Variants in ERI2 observed in about 807,000 individuals in gnomAD.
ERI2 encodes the protein ERI1 exoribonuclease family member 2.
ERI2 carries 35 observed loss-of-function variants against 46.8 expected under a neutral mutation model. That is an observed-to-expected ratio of 0.75 (90% CI 0.57 to 0.99). The LOEUF (loss-of-function observed/expected upper bound fraction) is 0.99, where lower values mean the gene tolerates loss of function less well. Among genes scored for constraint, ERI2 ranks in the 50% least tolerant of loss-of-function variants. The pLI is 0.00. For synonymous variants in ERI2, 224 were observed against 271.0 expected (o/e 0.83, Z 1.70); for missense variants, 695 against 796.2 (o/e 0.87, Z 1.53).
chr16:20,804,669 AAAAT>A (rs1283261002), intron 1 of ERI2, among the ~76,000 whole-genome samples: 2 of 152,114 alleles, frequency 1.3e-5, no homozygotes, highest in Non-Finnish European at 2.9e-5. Flanking sequence ...CTGTCTCAAA[AAAAT>A]AAATAAATAA....
chr16:20,793,393 C>T (rs137941767), downstream of ERI2, among the ~76,000 whole-genome samples: 366 of 152,240 alleles, frequency 2.4e-3, 1 homozygote, highest in African/African-American at 7.8e-3. Flanking sequence ...CACTTGGACC[C>T]GGGACGGGGA....
At chr16:20,787,670 T>C (rs1383492188) in intron 10 of ERI2, among the ~76,000 whole-genome samples, 1 of 152,222 alleles carries the variant, frequency 6.6e-6, no homozygotes, top group Admixed American at 6.5e-5. Context: ...AACCAGATCC[T>C]GGGTCCTTTC....
At chr16:20,793,284 C>T (rs2080643458), downstream of ERI2, among the ~76,000 whole-genome samples, 1 of 152,064 alleles carries the variant, frequency 6.6e-6, no homozygotes, top group African/African-American at 2.4e-5. Context: ...GCCTGGTCAA[C>T]ATGGTGAAAC....
chr16:20,797,531 A>G lies in ERI2; in HGVS notation c.*193T>C. ...GGTCTAACTATAAAAGAAGGATCATATACTATTGTTGCTTATTATATGTAA... is the reference window on the plus strand; with the variant it reads ...GGTCTAACTATAAAAGAAGGATCATGTACTATTGTTGCTTATTATATGTAA... On this transcript the variant is annotated 3_prime_UTR_variant, in exon 9 of 9. Coordinates refer to ENST00000357967, the MANE Select transcript of ERI2 (RefSeq NM_001142725.2). 8.3e-7 allele frequency: 1 copy of G among 1,203,448 alleles called. No homozygotes were observed. The highest frequency in any genetic ancestry group is 1.0e-6 in the Non-Finnish European group (1 of 968,252). 74.5% of individuals were successfully genotyped at this position (1,203,448 alleles called of 1,614,324 possible).
intron 7 of ERI2, chr16:20,799,555 C>T (rs1279140815): frequency 1.4e-5 from 8 of 567,170 alleles, no homozygotes; most frequent in Admixed American, 3.5e-5. Context: ...AAGACAAGCT[C>T]GTCCACATTT....
In ERI2 at chr16:20,796,925, A is replaced by T. The variant is rs959223632; in HGVS notation, c.*799T>A. On this transcript the variant is annotated 3_prime_UTR_variant, in exon 9 of 9. Transcript: ENST00000357967. ...AGAGCTGCCAAAGACTATCAGTGGG[A>T]AGACAAAAAGAAATGAACTGAGGAA... The T allele has an allele frequency of 1.2e-6, 2 of 1,613,166 alleles. No individual in the cohort carries two copies. Among genetic ancestry groups the T allele is most frequent in the Non-Finnish European group, 1.7e-6 (2 of 1,179,572 alleles).
At chr16:20,781,892 C>A (rs1378039447) in intron 10 of ERI2, 2 of 805,758 alleles carry the variant, frequency 2.5e-6, no homozygotes, top group Non-Finnish European at 2.0e-6. Flanking sequence ...CCAGTAGACA[C>A]AGGATTTAGC....
Position 20,800,390 on chromosome 16 carries a change from C to T in ERI2, c.473G>A (p.Gly158Glu), listed in dbSNP as rs973932881. The T allele has an allele frequency of 1.9e-6, 3 of 1,604,958 alleles. No individual in the cohort carries two copies. Among genetic ancestry groups the T allele is most frequent in the Non-Finnish European group, 2.6e-6 (3 of 1,174,352 alleles). Residue 158 changes from glycine (G) to glutamate (E), a missense_variant, in exon 6 of 9, where the codon GGG becomes GAG. Transcript: ENST00000357967. ...TTTACACTCATACTCCAGGCAAACCCCCAAGTCCCAGTCTGCATTAGGTAC... is the reference window on the plus strand; with the variant it reads ...TTTACACTCATACTCCAGGCAAACCTCCAAGTCCCAGTCTGCATTAGGTAC... Reference protein sequence around the residue: ...AFVTWSDWDLGVCLEYECKRK... With the variant: ...AFVTWSDWDLEVCLEYECKRK...
At position 20,802,693 on chromosome 16, in the gene ERI2, T is replaced by C; in HGVS notation, c.303+103A>G. ...CTGCAAAGTGCTGGGATTACAGGCATAAGCCATCATGCCTAACACTAAATA... is the reference window on the plus strand; with the variant it reads ...CTGCAAAGTGCTGGGATTACAGGCACAAGCCATCATGCCTAACACTAAATA... On this transcript the variant is annotated intron_variant, in intron 4 of 8. Transcript: ENST00000357967. 2.2e-6 allele frequency: 3 copies of C among 1,339,434 alleles called. No homozygotes were observed. In the African/African-American group the frequency reaches 4.4e-5, roughly 20 times the overall value. 83.0% of individuals were successfully genotyped at this position (1,339,434 alleles called of 1,614,324 possible).
chr16:20,781,641 A>G (rs2080354945), intron 10 of ERI2: 6 of 1,201,060 alleles, frequency 5.0e-6, no homozygotes, highest in Non-Finnish European at 7.5e-6. Flanking sequence ...TGCTGCGTCA[A>G]CCAAAGACAT....
intron 10 of ERI2, chr16:20,785,933 A>G (rs1183219103): frequency 1.8e-5 from 9 of 494,866 alleles, no homozygotes; most frequent in Non-Finnish European, 1.1e-5. Flanking sequence ...ATATGTTATC[A>G]CTACATTCCA....
chr16:20,803,781 G>C (rs1274643352), intron 1 of ERI2, 111 bp from the exon 2 acceptor site: 5 of 1,330,534 alleles, frequency 3.8e-6, no homozygotes, highest in Non-Finnish European at 3.1e-6. Context: ...TATTGTGACT[G>C]AGGGGAAATC....
downstream of ERI2, chr16:20,792,058 C>CA: frequency 6.2e-7 from 1 of 1,614,072 alleles, no homozygotes; most frequent in Non-Finnish European, 8.5e-7. Context: ...TCACTGGGGA[C>CA]AGAGGATATA....
At position 20,797,573 on chromosome 16, in the gene ERI2, T is replaced by C. The variant is rs1244213670; in HGVS notation, c.*151A>G. On this transcript the variant is annotated 3_prime_UTR_variant, in exon 9 of 9. Transcript: ENST00000357967. ...TATATGTAATCTAATAAATACTGTT[T>C]ACAAAAGATTACACTTGTGGTTCCT... 7.7e-7 allele frequency: 1 copy of C among 1,292,640 alleles called. No homozygotes were observed. The highest frequency in any genetic ancestry group is 1.5e-5 in the African/African-American group (1 of 65,506). The allele number at this position is 1,292,640 out of a possible 1,614,324, so 80.1% of individuals were successfully genotyped here.
rs759181306 is a variant in ERI2 at position 20,790,942 on chromosome 16, G to A, written c.733-10C>T. The A allele has an allele frequency of 5.6e-6, 9 of 1,613,274 alleles. No individual in the cohort carries two copies. The East Asian group carries it at 6.7e-5, about 12-fold the overall frequency. ...GCAAGAGGAAGGGACCCTAGAAAGA[G>A]GACAGCCTCTTAACATCCCCTGATC... On this transcript the variant is annotated splice_polypyrimidine_tract_variant and intron_variant, in intron 8 of 10. Coordinates refer to the ERI2 transcript ENST00000300005. This position sits in a 1 kb window ranked among gnomAD's most constrained non-coding sequence, Gnocchi z 4.0.
Position 20,790,435 on chromosome 16 carries a change from TGACAAAGTGAGACC to T in ERI2, c.815+401_815+414del. On this transcript the variant is annotated intron_variant, in intron 9 of 10. Coordinates refer to the ERI2 transcript ENST00000300005. The surrounding 1 kb of genome is among the most constrained non-coding windows in gnomAD (Gnocchi z 4.0). ...TTGCACCACTGCACTCCAGCCTGGG[TGACAAAGTGAGACC>T]TTGTCTCACACACACAAAATTTTTT... 1.4e-6 allele frequency: 1 copy of T among 692,290 alleles called. No homozygotes were observed. Among genetic ancestry groups the T allele is most frequent in the Non-Finnish European group, 2.5e-6 (1 of 405,180 alleles). The allele number at this position is 692,290 out of a possible 1,614,324, so 42.9% of individuals were successfully genotyped here. A position where few individuals can be genotyped will look rare whatever the true frequency, so the allele number is the denominator to read the frequency against.
At chr16:20,801,722 AC>A (rs1185960908) in intron 4 of ERI2, among the ~76,000 whole-genome samples, 1 of 152,140 alleles carries the variant, frequency 6.6e-6, no homozygotes, top group Admixed American at 6.5e-5. Flanking sequence ...CATTTTTATA[AC>A]ATTATTCTTC....
chr16:20,798,242 A>G lies in ERI2; in HGVS notation c.1558T>C (p.Leu520=). 1 of 1,551,626 alleles carries G rather than the reference A, an allele frequency of 6.4e-7. No homozygotes were observed. The highest frequency in any genetic ancestry group is 8.7e-7 in the Non-Finnish European group (1 of 1,146,906). Reference sequence around the variant, plus strand: ...AGAAGAGGATGTTTCCCCAAAACTAAAGGATGAGACATATTGGCATTAACT... The same window carrying G: ...AGAAGAGGATGTTTCCCCAAAACTAGAGGATGAGACATATTGGCATTAACT... ...NRVNANMSHP[L]VLGKHPLLSG... Residue 520 remains leucine (L), a synonymous_variant, in exon 9 of 9, where the codon TTA becomes CTA. Coordinates refer to ENST00000357967, the MANE Select transcript of ERI2 (RefSeq NM_001142725.2).
chr16:20,801,487 G>A (rs2080795067), intron 4 of ERI2, 128 bp from the exon 5 acceptor site: 2 of 1,021,010 alleles, frequency 2.0e-6, no homozygotes, highest in Admixed American at 6.2e-5. Context: ...AAAACACAGT[G>A]TACTGTGGGA....
Sources: allele counts gnomAD v4.1 joint callset (sites outside exome capture counted in the v4.1 genomes callset), GRCh38; gene constraint gnomAD v4.1.1; non-coding constraint Gnocchi (gnomAD v3.1); transcripts MANE v1.5; gene names NCBI Gene and HGNC (gene_info 2026-07-23, HGNC 2026-07-21).